Variants in HLCS observed in about 807,000 individuals in gnomAD.
HLCS encodes holocarboxylase synthetase, also known as biotin--protein ligase.
In HLCS, 53 loss-of-function variants were observed where a neutral mutation model predicts 75.0. That is an observed-to-expected ratio of 0.71 (90% confidence interval 0.57 to 0.89). The LOEUF (loss-of-function observed/expected upper bound fraction) is 0.89, where lower values mean the gene tolerates loss of function less well. HLCS is among the 40% of genes least tolerant of loss of function. HLCS has a pLI of 0.00. For missense variants in HLCS, 966 were observed against 1,074.0 expected (o/e 0.90, Z 1.41); for synonymous variants, 431 against 428.6 (o/e 1.01, Z -0.07).
chr21:36,928,182 T>A (rs1281759079), intron 5 of HLCS, among the ~76,000 whole-genome samples: 1 of 152,096 alleles, frequency 6.6e-6, no homozygotes, highest in African/African-American at 2.4e-5. Flanking sequence ...TGCACTATAA[T>A]CCTTTAGAGA....
chr21:36,854,317 C>T (rs1405262093), intron 6 of HLCS, among the ~76,000 whole-genome samples: 1 of 152,176 alleles, frequency 6.6e-6, no homozygotes, highest in Non-Finnish European at 1.5e-5. Context: ...TAATGGCACC[C>T]TATTACTCTA....
intron 6 of HLCS, among the ~76,000 whole-genome samples, chr21:36,824,317 A>G (rs1240828274): frequency 6.6e-6 from 1 of 152,170 alleles, no homozygotes; most frequent in Non-Finnish European, 1.5e-5. Flanking sequence ...GGACACCATC[A>G]TCCTCAGCAA....
intron 6 of HLCS, among the ~76,000 whole-genome samples, chr21:36,788,829 C>T (rs1298384759): frequency 6.6e-6 from 1 of 152,124 alleles, no homozygotes; most frequent in Non-Finnish European, 1.5e-5. Flanking sequence ...TCTTTAATTG[C>T]TAGTAGTTGG....
Position 36,930,330 on chromosome 21 carries a change from A to C in HLCS, c.1541T>G (p.Ile514Ser). 1.9e-6 allele frequency: 3 copies of C among 1,614,092 alleles called. No homozygotes were observed. Among genetic ancestry groups the C allele is most frequent in the Non-Finnish European group, 2.5e-6 (3 of 1,179,982 alleles). The change falls in exon 5 of 11, where the codon ATT (isoleucine) becomes AGT (serine). Residue 514 changes from isoleucine (I) to serine (S), a missense_variant. By Grantham distance (142) the Ile-to-Ser change is moderately radical (BLOSUM62 -2). Coordinates refer to ENST00000674895, the MANE Select transcript of HLCS (RefSeq NM_001352514.2). ...ACAGCTGAGGCCAAGGGTTGTCAGA[A>C]TCTCTCTAAGGACTTCGTATCTTCT... ...NFRRYEVLRE[I>S]LTTLGLSCDM...
At chr21:36,884,835 A>G (rs1331684025) in intron 6 of HLCS, among the ~76,000 whole-genome samples, 1 of 152,308 alleles carries the variant, frequency 6.6e-6, no homozygotes, top group Non-Finnish European at 1.5e-5. Context: ...GAATGTAGTA[A>G]TGTCAGGTGC....
chr21:36,829,186 A>C (rs1265757956), intron 6 of HLCS, among the ~76,000 whole-genome samples: 2 of 152,236 alleles, frequency 1.3e-5, no homozygotes, highest in Non-Finnish European at 2.9e-5. Flanking sequence ...GATTCCTGTG[A>C]AACTCCAAAT....
At chr21:36,891,164 T>C (rs2064767828) in intron 6 of HLCS, among the ~76,000 whole-genome samples, 1 of 152,212 alleles carries the variant, frequency 6.6e-6, no homozygotes, top group Non-Finnish European at 1.5e-5. Context: ...AATGGGGATG[T>C]AGCTTCTTTA....
At chr21:36,910,923 C>G (rs918397945) in intron 5 of HLCS, among the ~76,000 whole-genome samples, 1 of 152,226 alleles carries the variant, frequency 6.6e-6, no homozygotes, top group South Asian at 2.1e-4. Context: ...CACACAAAAG[C>G]GAACGGCTCT....
At chr21:36,801,602 G>T (rs1049301505) in intron 6 of HLCS, among the ~76,000 whole-genome samples, 1 of 152,148 alleles carries the variant, frequency 6.6e-6, no homozygotes, top group African/African-American at 2.4e-5. Context: ...CTTAATCAGT[G>T]GCAGTTCATC....
At chr21:36,839,392 T>C (rs1035484651) in intron 6 of HLCS, among the ~76,000 whole-genome samples, 2 of 152,218 alleles carry the variant, frequency 1.3e-5, no homozygotes, top group Non-Finnish European at 2.9e-5. Context: ...GACTCTGAAA[T>C]GTCTCACACA....
At chr21:36,887,099 C>T (rs1050305497) in intron 6 of HLCS, among the ~76,000 whole-genome samples, 1 of 150,002 alleles carries the variant, frequency 6.7e-6, no homozygotes, top group African/African-American at 2.5e-5. Flanking sequence ...CACTGCACTC[C>T]AGCCTGGGCC....
intron 1 of HLCS, among the ~76,000 whole-genome samples, chr21:36,982,663 C>T (rs1447468540): frequency 1.3e-5 from 2 of 152,166 alleles, no homozygotes; most frequent in Non-Finnish European, 2.9e-5. Context: ...CTATTGTCCA[C>T]GTCTAAATTT....
intron 6 of HLCS, among the ~76,000 whole-genome samples, chr21:36,816,430 T>C (rs940367153): frequency 3.3e-5 from 5 of 151,972 alleles, no homozygotes; most frequent in Admixed American, 3.3e-4. Context: ...ACTAGGCTGC[T>C]GTAGGGGATA....
intron 1 of HLCS, among the ~76,000 whole-genome samples, chr21:36,975,616 T>A (rs1182978308): frequency 6.6e-6 from 1 of 151,926 alleles, no homozygotes; most frequent in Non-Finnish European, 1.5e-5. Context: ...CTACAAAAAA[T>A]TTAAAAATTA....
rs745889682 is a variant in HLCS at position 36,930,450 on chromosome 21, G to GCA, written c.1438-19_1438-18dup. The GCA allele has an allele frequency of 3.7e-6, 6 of 1,607,644 alleles. No individual in the cohort carries two copies. Among genetic ancestry groups the GCA allele is most frequent in the Non-Finnish European group, 5.1e-6 (6 of 1,174,226 alleles). On this transcript the variant is annotated splice_polypyrimidine_tract_variant and intron_variant, in intron 4 of 10. Transcript: ENST00000674895. ...TAAGTGCACCTGAAGGGGAAAGATAGCACTATGTAAACTGAGGGCACTCAC... is the reference window on the plus strand; with the variant it reads ...TAAGTGCACCTGAAGGGGAAAGATAGCACACTATGTAAACTGAGGGCACTCAC...
At chr21:36,941,619 G>T (rs1359457033) in intron 2 of HLCS, among the ~76,000 whole-genome samples, 2 of 152,356 alleles carry the variant, frequency 1.3e-5, no homozygotes, top group East Asian at 3.9e-4. Flanking sequence ...GCTCATGCCT[G>T]TAATCCCAAC....
chr21:36,967,987 T>C (rs1657241415), upstream of HLCS, among the ~76,000 whole-genome samples: 1 of 152,144 alleles, frequency 6.6e-6, no homozygotes, highest in Admixed American at 6.6e-5. Context: ...CCCAAAGTGC[T>C]GGGATTACAG....
intron 6 of HLCS, among the ~76,000 whole-genome samples, chr21:36,870,461 TA>T (rs2063731582): frequency 1.3e-5 from 2 of 152,074 alleles, no homozygotes; most frequent in Admixed American, 1.3e-4. Context: ...CACCATTTCT[TA>T]AAGTATCTTC....
At chr21:36,773,708 G>A (rs1297770099) in intron 6 of HLCS, among the ~76,000 whole-genome samples, 2 of 152,196 alleles carry the variant, frequency 1.3e-5, no homozygotes, top group Admixed American at 6.5e-5. Flanking sequence ...GGGAGGTGGC[G>A]AGGAAGAGGG....
Sources: gnomAD v4.1 joint callset for allele counts (sites outside exome capture counted in the v4.1 genomes callset) on GRCh38, gnomAD v4.1.1 for gene constraint, MANE v1.5 for transcripts, NCBI Gene and HGNC (gene_info 2026-07-23, HGNC 2026-07-21) for gene names.